ESRRG: variants seen among roughly 807,000 people sequenced by gnomAD.
ESRRG encodes the protein estrogen related receptor gamma, also known as estrogen-related receptor gamma.
In ESRRG, 13 loss-of-function variants were observed where a neutral mutation model predicts 44.0. That is an observed-to-expected ratio of 0.30 (90% confidence interval 0.19 to 0.47). The LOEUF is 0.47. Ranked by LOEUF, ESRRG falls within the 20% of genes least tolerant of loss-of-function variation. The pLI is 1.00. For missense variants in ESRRG, 395 were observed against 580.6 expected (o/e 0.68, Z 3.29); for synonymous variants, 215 against 214.6 (o/e 1.00, Z -0.02).
chr1:216,550,433 G>T (rs146348188), intron 5 of ESRRG, among the ~76,000 whole-genome samples: 1 of 152,214 alleles, frequency 6.6e-6, no homozygotes, highest in African/African-American at 2.4e-5. Flanking sequence ...ACTAATAAGA[G>T]GGAAAAAATG....
At chr1:216,828,379 T>G (rs556377294) in intron 2 of ESRRG, among the ~76,000 whole-genome samples, 70 of 152,262 alleles carry the variant, frequency 4.6e-4, no homozygotes, top group African/African-American at 1.6e-3. Context: ...TTAGTTGGGT[T>G]TTTTGCAAAG....
At chr1:217,109,208 C>T (rs561066347) in intron 1 of ESRRG, among the ~76,000 whole-genome samples, 1 of 152,164 alleles carries the variant, frequency 6.6e-6, no homozygotes, top group South Asian at 2.1e-4. Flanking sequence ...ATATTTAAAT[C>T]TGTATAAACC....
intron 2 of ESRRG, among the ~76,000 whole-genome samples, chr1:216,804,749 T>A (rs1309154895): frequency 6.6e-6 from 1 of 152,052 alleles, no homozygotes; most frequent in African/African-American, 2.4e-5. Flanking sequence ...ATTGAAATGC[T>A]CTCCTTTGGT....
upstream of ESRRG, among the ~76,000 whole-genome samples, chr1:217,091,795 T>C (rs1380093505): frequency 1.3e-5 from 2 of 152,216 alleles, no homozygotes; most frequent in African/African-American, 4.8e-5. Context: ...CTATAGGCGT[T>C]ATTGGTAACT....
chr1:217,033,392 T>G (rs896437768), intron 1 of ESRRG, among the ~76,000 whole-genome samples: 1 of 152,198 alleles, frequency 6.6e-6, no homozygotes, highest in African/African-American at 2.4e-5. Flanking sequence ...TTGAAGATAT[T>G]TTGGGTTCCT....
At chr1:216,591,069 C>CTT (rs915836436) in intron 3 of ESRRG, among the ~76,000 whole-genome samples, 1 of 152,114 alleles carries the variant, frequency 6.6e-6, no homozygotes, top group African/African-American at 2.4e-5. Flanking sequence ...AGGAGAACCT[C>CTT]TTTTTTTCTA....
chr1:216,801,076 C>T (rs2813662), intron 2 of ESRRG, among the ~76,000 whole-genome samples: 2,550 of 151,972 alleles, frequency 0.017, 36 homozygotes, highest in Non-Finnish European at 0.029. Context: ...ATTAACATAT[C>T]CCTCATCTCA....
At chr1:216,717,216 A>G (rs1030727517) in intron 1 of ESRRG, among the ~76,000 whole-genome samples, 1 of 151,888 alleles carries the variant, frequency 6.6e-6, no homozygotes, top group African/African-American at 2.4e-5. Context: ...AAAATCCTGG[A>G]TAATTGATTA....
intron 2 of ESRRG, among the ~76,000 whole-genome samples, chr1:216,745,636 A>G (rs1307077449): frequency 1.3e-5 from 2 of 152,064 alleles, no homozygotes; most frequent in African/African-American, 4.8e-5. Context: ...CAATGCGTGT[A>G]TTCAATGCAG....
At chr1:216,560,385 A>AT (rs1254856008) in intron 5 of ESRRG, among the ~76,000 whole-genome samples, 3 of 152,192 alleles carry the variant, frequency 2.0e-5, no homozygotes, top group South Asian at 2.1e-4. Context: ...AACAAAGACA[A>AT]TTTTTTCTAA....
rs74509548 is a variant in ESRRG at position 216,811,150 on chromosome 1, T to C, written c.-14+128432A>G. 3.5e-3 allele frequency among the ~76,000 whole-genome samples: 537 copies of C among 152,268 alleles called. 15 individuals carry two copies. In the East Asian group the frequency reaches 0.052, roughly 15 times the overall value. On this transcript the variant is annotated intron_variant, in intron 2 of 7. Coordinates refer to the ESRRG transcript ENST00000359162. ...GATTTCCTTTTTAAATAAGAGATGA[T>C]GGTTGCTCTTGAGGAAATGTTTGGT...
At chr1:216,777,661 T>A (rs1278304148) in intron 2 of ESRRG, among the ~76,000 whole-genome samples, 1 of 152,046 alleles carries the variant, frequency 6.6e-6, no homozygotes, top group East Asian at 1.9e-4. Flanking sequence ...AAAATGGGCA[T>A]CTTGTCTTTT....
chr1:217,033,523 G>T (rs1471079990), intron 1 of ESRRG, among the ~76,000 whole-genome samples: 2 of 152,040 alleles, frequency 1.3e-5, no homozygotes, highest in Admixed American at 1.3e-4. Context: ...AATTTATTAA[G>T]CCCAAAAAAG....
At chr1:216,984,314 A>T (rs535073369) in intron 1 of ESRRG, among the ~76,000 whole-genome samples, 1 of 152,290 alleles carries the variant, frequency 6.6e-6, no homozygotes, top group Admixed American at 6.5e-5. Flanking sequence ...TACTACACTT[A>T]GAGAATGACC....
At chr1:216,916,129 G>C (rs2061136485) in intron 2 of ESRRG, among the ~76,000 whole-genome samples, 1 of 152,106 alleles carries the variant, frequency 6.6e-6, no homozygotes, top group Non-Finnish European at 1.5e-5. Flanking sequence ...CTCCTCATCA[G>C]AATGGAAAGA....
chr1:216,815,560 C>T (rs183806634), intron 2 of ESRRG, among the ~76,000 whole-genome samples: 218 of 152,316 alleles, frequency 1.4e-3, no homozygotes, highest in African/African-American at 5.1e-3. Flanking sequence ...GCCACCTGCC[C>T]TGGGAAAAAG....
chr1:216,579,047 T>C (rs557235185), intron 3 of ESRRG, among the ~76,000 whole-genome samples: 56 of 152,298 alleles, frequency 3.7e-4, no homozygotes, highest in African/African-American at 1.3e-3. Flanking sequence ...GAAAATACTA[T>C]AGATTACAGA....
chr1:216,540,417 C>T (rs1272082082), intron 5 of ESRRG, among the ~76,000 whole-genome samples: 1 of 151,890 alleles, frequency 6.6e-6, no homozygotes, highest in Non-Finnish European at 1.5e-5. Flanking sequence ...AGACAAGGGA[C>T]CTTATTTAAT....
chr1:216,633,152 T>C (rs2064580258), intron 3 of ESRRG, among the ~76,000 whole-genome samples: 1 of 152,236 alleles, frequency 6.6e-6, no homozygotes, highest in African/African-American at 2.4e-5. Flanking sequence ...GCAAACCATT[T>C]GCAGCAATCT....
Sources: allele counts gnomAD v4.1 joint callset (sites outside exome capture counted in the v4.1 genomes callset), GRCh38; gene constraint gnomAD v4.1.1; transcripts MANE v1.5; gene names NCBI Gene and HGNC (gene_info 2026-07-23, HGNC 2026-07-21).